Variants in CLIC6 observed in about 807,000 individuals in gnomAD.
CLIC6 encodes CLIC family member 6.
A neutral mutation model predicts 49.2 loss-of-function variants in CLIC6; 39 were observed. That is an observed-to-expected ratio of 0.79 (90% CI 0.61 to 1.04). The LOEUF is 1.04. Among genes scored for constraint, CLIC6 ranks in the 50% least tolerant of loss-of-function variants. The probability of loss-of-function intolerance (pLI) is 0.00; values close to 1 mark genes in which losing one functional copy is unlikely to be tolerated. For synonymous variants in CLIC6, 446 were observed against 433.4 expected, an observed-to-expected ratio of 1.03 and a Z score of -0.36; for missense variants, 988 against 993.1, an observed-to-expected ratio of 0.99 and a Z score of 0.07.
At chr21:34,698,940 C>T (rs752385082) in intron 1 of CLIC6, among the ~76,000 whole-genome samples, 1 of 152,108 alleles carries the variant, frequency 6.6e-6, no homozygotes, top group South Asian at 2.1e-4. Flanking sequence ...GGGCAAGAGA[C>T]TGATGATCAG....
chr21:34,673,209 A>G (rs1463209122), intron 1 of CLIC6, among the ~76,000 whole-genome samples: 1 of 152,080 alleles, frequency 6.6e-6, no homozygotes, highest in East Asian at 1.9e-4. Flanking sequence ...TATTCTGATG[A>G]TTGATCTGGT....
At chr21:34,674,909 G>A (rs150205791) in intron 1 of CLIC6, among the ~76,000 whole-genome samples, 12 of 152,212 alleles carry the variant, frequency 7.9e-5, no homozygotes, top group East Asian at 3.9e-4. Flanking sequence ...AGATTTAGTC[G>A]CCAAGGAAGT....
At chr21:34,702,576 T>G (rs942439239) in intron 1 of CLIC6, among the ~76,000 whole-genome samples, 9 of 152,270 alleles carry the variant, frequency 5.9e-5, no homozygotes, top group Admixed American at 3.9e-4. Context: ...TTCCTGTGCT[T>G]CAGGGACTGA....
intron 1 of CLIC6, among the ~76,000 whole-genome samples, chr21:34,693,074 G>C (rs1485903917): frequency 6.6e-6 from 1 of 152,188 alleles, no homozygotes; most frequent in Non-Finnish European, 1.5e-5. Flanking sequence ...GCACCATCTA[G>C]CTGCTGACCT....
rs140448325 is a variant in CLIC6, at chr21:34,689,714, C to A, written c.1375-17566C>A. Reference sequence around the variant, plus strand: ...AGTGCAGGCTGGAATACAAATGCGCCCTGAGACGCTGTGCAATGTCAGGCT... The same window carrying A: ...AGTGCAGGCTGGAATACAAATGCGCACTGAGACGCTGTGCAATGTCAGGCT... On this transcript the variant is annotated intron_variant, in intron 1 of 5. Coordinates refer to ENST00000349499, the MANE Select transcript of CLIC6 (RefSeq NM_053277.3). Among the ~76,000 whole-genome samples the A allele has an allele frequency of 2.0e-5, 3 of 152,020 alleles. No homozygotes were observed. The East Asian group carries it at 5.8e-4, about 29-fold the overall frequency.
At chr21:34,705,259 C>T (rs890325192) in intron 1 of CLIC6, among the ~76,000 whole-genome samples, 3 of 152,106 alleles carry the variant, frequency 2.0e-5, no homozygotes, top group East Asian at 1.9e-4. Flanking sequence ...GAAAGTTCCA[C>T]GGTTTAAGAG....
rs139434984 is a variant in CLIC6, at chr21:34,683,674, A to T, written c.1374+12912A>T. Among the ~76,000 whole-genome samples, 365 of 152,276 alleles carry T rather than the reference A, an allele frequency of 2.4e-3. 1 individual carries two copies. The highest frequency in any genetic ancestry group is 8.2e-3 in the African/African-American group (340 of 41,552). ...TTCTCATGATAGTGAGTGAGTTCTT[A>T]TGAGATCTGATGGTTTAAAAGTGTG... On this transcript the variant is annotated intron_variant, in intron 1 of 5. Coordinates refer to ENST00000349499, the MANE Select transcript of CLIC6 (RefSeq NM_053277.3).
intron 2 of CLIC6, among the ~76,000 whole-genome samples, chr21:34,707,596 G>GGTGCC (rs1208565991): frequency 6.6e-6 from 1 of 152,116 alleles, no homozygotes; most frequent in Non-Finnish European, 1.5e-5. Context: ...AGGAGTTGGG[G>GGTGCC]GTGCCGTGAA....
chr21:34,707,081 G>A (rs1017602371), intron 1 of CLIC6, among the ~76,000 whole-genome samples, 199 bp from the exon 2 acceptor site: 5 of 152,164 alleles, frequency 3.3e-5, no homozygotes, highest in African/African-American at 9.7e-5. Flanking sequence ...GCATGTGCGT[G>A]CGTGTGTGGT....
At chr21:34,682,177 T>C (rs189217535) in intron 1 of CLIC6, among the ~76,000 whole-genome samples, 1 of 152,324 alleles carries the variant, frequency 6.6e-6, no homozygotes, top group Non-Finnish European at 1.5e-5. Context: ...TTCTTAGAAA[T>C]GGCATTGCTA....
intron 1 of CLIC6, among the ~76,000 whole-genome samples, chr21:34,672,739 A>G (rs144279744): frequency 1.3e-5 from 2 of 152,318 alleles, no homozygotes; most frequent in Non-Finnish European, 2.9e-5. Flanking sequence ...TCTGGGATCA[A>G]ATCTTGGCTT....
rs138794381 is a variant in CLIC6 at position 34,674,928 on chromosome 21, C to T, written c.1374+4166C>T. On this transcript the variant is annotated intron_variant, in intron 1 of 5. Transcript: ENST00000349499. ...TTAGTCGCCAAGGAAGTCTTGCTTA[C>T]GGCTTTGGTTCCCCTAATCTGGCGT... is the stretch of plus-strand genomic sequence containing the variant. Among the ~76,000 whole-genome samples, 328 of 152,152 alleles carry T rather than the reference C, an allele frequency of 2.2e-3. 1 individual carries two copies. Among genetic ancestry groups the T allele is most frequent in the African/African-American group, 7.2e-3 (300 of 41,510 alleles).
At chr21:34,673,376 A>C (rs1989604057) in intron 1 of CLIC6, among the ~76,000 whole-genome samples, 1 of 152,016 alleles carries the variant, frequency 6.6e-6, no homozygotes, top group Admixed American at 6.6e-5. Flanking sequence ...TGCAACCTCC[A>C]CAGACTGGGT....
chr21:34,688,541 C>T (rs970164872), intron 1 of CLIC6, among the ~76,000 whole-genome samples: 4 of 152,226 alleles, frequency 2.6e-5, no homozygotes, highest in Admixed American at 6.5e-5. Context: ...TTTCATTGTA[C>T]GATGGCTTGA....
intron 1 of CLIC6, among the ~76,000 whole-genome samples, chr21:34,690,462 A>G (rs1849680662): frequency 6.6e-6 from 1 of 152,148 alleles, no homozygotes; most frequent in South Asian, 2.1e-4. Context: ...TTAACACAGG[A>G]CTGAAATATG....
At chr21:34,679,195 C>T (rs560971164) in intron 1 of CLIC6, among the ~76,000 whole-genome samples, 1 of 152,310 alleles carries the variant, frequency 6.6e-6, no homozygotes, top group East Asian at 1.9e-4. Context: ...CCTCAGGAAA[C>T]TCACAATCAC....
chr21:34,682,800 C>CA (rs1989803530), intron 1 of CLIC6, among the ~76,000 whole-genome samples: 1 of 79,980 alleles, frequency 1.3e-5, no homozygotes, highest in Non-Finnish European at 2.5e-5. Flanking sequence ...CCTTTCCCTC[C>CA]ATTTTTTTTT....
intron 1 of CLIC6, among the ~76,000 whole-genome samples, chr21:34,671,006 C>T (rs1292693945): frequency 6.7e-6 from 1 of 149,944 alleles, no homozygotes; most frequent in Non-Finnish European, 1.5e-5. Context: ...ACGGGGAGTG[C>T]GATGGGGGCC....
intron 1 of CLIC6, among the ~76,000 whole-genome samples, chr21:34,691,269 A>C (rs1277887671): frequency 6.6e-6 from 1 of 152,206 alleles, no homozygotes; most frequent in East Asian, 1.9e-4. Context: ...AACAGTTAAA[A>C]CTGGAGAAGT....
Sources: allele counts gnomAD v4.1 joint callset (sites outside exome capture counted in the v4.1 genomes callset), GRCh38; gene constraint gnomAD v4.1.1; transcripts MANE v1.5; gene names NCBI Gene and HGNC (gene_info 2026-07-23, HGNC 2026-07-21).